The following FCRL5 variants were observed in gnomAD, a reference collection of about 807,000 sequenced individuals.
FCRL5 encodes Fc receptor-like protein 5.
In FCRL5, 79 loss-of-function variants were observed where a neutral mutation model predicts 92.1. That is an observed-to-expected ratio of 0.86 (90% CI 0.72 to 1.03). The LOEUF (loss-of-function observed/expected upper bound fraction) is 1.03. Among genes scored for constraint, FCRL5 ranks in the 50% least tolerant of loss-of-function variants. The pLI, the probability that FCRL5 is intolerant of heterozygous loss-of-function variation, is 0.00. For missense variants in FCRL5, 1,160 were observed against 1,181.1 expected, an observed-to-expected ratio of 0.98 and a Z score of 0.26; for synonymous variants, 466 against 469.3, an observed-to-expected ratio of 0.99 and a Z score of 0.09.
At chr1:157,529,723 C>G (rs1287106304) in intron 8 of FCRL5, among the ~76,000 whole-genome samples, 3 of 152,092 alleles carry the variant, frequency 2.0e-5, no homozygotes, top group Non-Finnish European at 4.4e-5. Context: ...GAATGGAAAA[C>G]CAAACATTGT....
chr1:157,524,646 C>G (rs1157154816), intron 9 of FCRL5, 89 bp from the exon 10 acceptor site: 2 of 1,417,490 alleles, frequency 1.4e-6, no homozygotes, highest in Non-Finnish European at 1.9e-6. Context: ...GAATGTTTTT[C>G]TCAGTTTTTA....
intron 9 of FCRL5, among the ~76,000 whole-genome samples, chr1:157,527,285 GTGAA>G (rs1443177229): frequency 1.3e-5 from 2 of 152,212 alleles, no homozygotes; most frequent in African/African-American, 4.8e-5. Flanking sequence ...CTCTTCCAAG[GTGAA>G]GCACACAGAA....
At chr1:157,517,694 G>T (rs575096575) in intron 15 of FCRL5, among the ~76,000 whole-genome samples, 2 of 152,262 alleles carry the variant, frequency 1.3e-5, no homozygotes, top group South Asian at 4.2e-4. Context: ...GACCCACAGA[G>T]CTGTAAGATG....
rs1651218788 is a variant in FCRL5, at chr1:157,540,650, C to G, written c.1124-1286G>C. 1.3e-5 allele frequency among the ~76,000 whole-genome samples: 2 copies of G among 152,110 alleles called. 1 individual carries two copies. The highest frequency in any genetic ancestry group is 4.1e-4 in the South Asian group (2 of 4,828). ...AAGAAGTGACCTACCTTTAACATCT[C>G]TACTTCTTTATCTCATATCTCATAT... is the stretch of plus-strand genomic sequence containing the variant. On this transcript the variant is annotated intron_variant, in intron 6 of 16. Transcript: ENST00000361835.
intron 15 of FCRL5, 38 bp from the exon 16 acceptor site, chr1:157,515,911 G>T: frequency 6.2e-7 from 1 of 1,611,050 alleles, no homozygotes; most frequent in African/African-American, 1.3e-5. Context: ...TGGAAGACTG[G>T]CATGGGGCTC....
Position 157,539,224 on chromosome 1 carries a change from C to T in FCRL5, c.1264G>A (p.Glu422Lys). 2.5e-6 allele frequency: 4 copies of T among 1,614,192 alleles called. No homozygotes were observed. The highest frequency in any genetic ancestry group is 1.1e-5 in the South Asian group (1 of 91,084). ...CCTGCAGAGTTGGCCGACCTACGCT[C>T]CAGGGCAGCACCCTCATGATGAAAC... is the stretch of plus-strand genomic sequence containing the variant. Reference protein sequence around the residue: ...YQFHHEGAALERRSANSAGGV... With the variant: ...YQFHHEGAALKRRSANSAGGV... Residue 422 changes from glutamate to lysine, a missense_variant, in exon 7 of 17, where the codon GAG (glutamate) becomes AAG (lysine). Glu to Lys is a moderately conservative substitution (Grantham distance 56). Coordinates refer to ENST00000361835, the MANE Select transcript of FCRL5 (RefSeq NM_031281.3).
chr1:157,525,152 G>C (rs1571081761), intron 9 of FCRL5, among the ~76,000 whole-genome samples: 1 of 152,326 alleles, frequency 6.6e-6, no homozygotes, highest in East Asian at 1.9e-4. Flanking sequence ...AGAAGGATGA[G>C]AGGCAGCAAT....
At chr1:157,534,384 T>C (rs1650837221) in intron 8 of FCRL5, 1 of 718,580 alleles carries the variant, frequency 1.4e-6, no homozygotes, top group African/African-American at 1.7e-5. Context: ...GAAAATACAA[T>C]AAATAAATTC....
intron 2 of FCRL5, 130 bp downstream of exon 2, chr1:157,549,430 T>C (rs1651708862): frequency 1.2e-6 from 1 of 829,918 alleles, no homozygotes; most frequent in Non-Finnish European, 1.9e-6. Context: ...AAACTTAAAG[T>C]ATAATAAAAA....
intron 1 of FCRL5, among the ~76,000 whole-genome samples, chr1:157,549,986 G>C (rs1651746175): frequency 1.3e-5 from 2 of 152,052 alleles, no homozygotes; most frequent in African/African-American, 4.8e-5. Flanking sequence ...TACATGTGTT[G>C]AACAGGATGG....
At chr1:157,520,089 C>T (rs1650107488) in intron 12 of FCRL5, among the ~76,000 whole-genome samples, 1 of 152,094 alleles carries the variant, frequency 6.6e-6, no homozygotes, top group Non-Finnish European at 1.5e-5. Flanking sequence ...ATTACTGAAT[C>T]CTATCTGGTT....
In FCRL5 at chr1:157,544,873, A is replaced by T. The variant is rs376011810; in HGVS notation, c.517T>A (p.Cys173Ser). ...ACTGTATTGGAAGAAACAGGGCAAC[A>T]ACTTTCCTTATATCCAGTACAGCGA... is the stretch of plus-strand genomic sequence containing the variant. ...AYRCTGYKES[C>S]CPVSSNTVKI... The change falls in exon 4 of 17, where the codon TGT becomes AGT. Residue 173 changes from cysteine to serine, a missense_variant. Coordinates refer to ENST00000361835, the MANE Select transcript of FCRL5 (RefSeq NM_031281.3). 1.9e-6 allele frequency: 3 copies of T among 1,614,118 alleles called. No homozygotes were observed. In the African/African-American group the frequency reaches 4.0e-5, roughly 22 times the overall value.
intron 2 of FCRL5, among the ~76,000 whole-genome samples, chr1:157,548,697 C>T (rs1651669158): frequency 6.6e-6 from 1 of 152,248 alleles, no homozygotes; most frequent in Non-Finnish European, 1.5e-5. Context: ...CTCATCATCA[C>T]TGGCCATCAG....
intron 4 of FCRL5, 48 bp downstream of exon 4, chr1:157,544,783 G>C: frequency 6.2e-7 from 1 of 1,609,986 alleles, no homozygotes; most frequent in Non-Finnish European, 8.5e-7. Context: ...ATGACCCCAA[G>C]GAATCTCCTT....
chr1:157,515,936 C>T (rs566620149), intron 15 of FCRL5, 63 bp from the exon 16 acceptor site: 406 of 1,585,886 alleles, frequency 2.6e-4, no homozygotes, highest in East Asian at 1.5e-3. Context: ...CTTGTGCCTG[C>T]GCTGTGGGGC....
Position 157,542,990 on chromosome 1 carries a change from T to G in FCRL5, c.992A>C (p.Lys331Thr), listed in dbSNP as rs763476799. The change falls in exon 6 of 17, where the codon AAG (lysine) becomes ACG (threonine). Residue 331 changes from lysine to threonine, a missense_variant. By Grantham distance (78) the Lys-to-Thr change is moderately conservative. Coordinates refer to ENST00000361835, the MANE Select transcript of FCRL5 (RefSeq NM_031281.3). ...TGCTCCCCTTTCACAGCGGACTGACTTGTGCCTCAGGGGGACACCCTCATG... is the reference window on the plus strand; with the variant it reads ...TGCTCCCCTTTCACAGCGGACTGACGTGTGCCTCAGGGGGACACCCTCATG... The part of the protein sequence containing the change: ...FYHEGVPLRH[K>T]SVRCERGASI... 32 of 1,614,102 alleles carry G rather than the reference T, an allele frequency of 2.0e-5. No homozygotes were observed. The highest frequency in any genetic ancestry group is 2.7e-5 in the Non-Finnish European group (32 of 1,180,042).
At chr1:157,538,056 G>A (rs567439164) in intron 7 of FCRL5, among the ~76,000 whole-genome samples, 64 of 152,310 alleles carry the variant, frequency 4.2e-4, no homozygotes, top group African/African-American at 1.5e-3. Flanking sequence ...TATAGAATCA[G>A]CATTTAGTAG....
In FCRL5 at chr1:157,518,691, G is replaced by A. The variant is rs779974564; in HGVS notation, c.2743+9C>T. 2.0e-5 allele frequency: 32 copies of A among 1,607,460 alleles called. 1 individual carries two copies. The highest frequency in any genetic ancestry group is 3.4e-4 in the Middle Eastern group (2 of 5,884). On this transcript the variant is annotated intron_variant, in intron 14 of 16. Transcript: ENST00000361835. ...AGCTTCTGCCAAATGCAGGATCCTC[G>A]GGCCTCACCATTAGTGTACACTGGT...
chr1:157,545,008 C>T lies in FCRL5; in HGVS notation c.382G>A (p.Glu128Lys), dbSNP rs1651461325. ...SVVLRCRAKA[E>K]VTLNNTIYKN... ...TAAATAGTATTATTCAGTGTTACTT[C>T]CGCCTTTGCCCGGCACCTCAGAACC... is the stretch of plus-strand genomic sequence containing the variant. Residue 128 changes from glutamate (E) to lysine (K), a missense_variant, in exon 4 of 17, where the codon GAA (glutamate) becomes AAA (lysine). Coordinates refer to ENST00000361835, the MANE Select transcript of FCRL5 (RefSeq NM_031281.3). 1.9e-6 allele frequency: 3 copies of T among 1,613,624 alleles called. No individual in the cohort carries two copies. The highest frequency in any genetic ancestry group is 2.5e-6 in the Non-Finnish European group (3 of 1,180,020).
Sources: gnomAD v4.1 joint callset for allele counts (sites outside exome capture counted in the v4.1 genomes callset) on GRCh38, gnomAD v4.1.1 for gene constraint, MANE v1.5 for transcripts, NCBI Gene and HGNC (gene_info 2026-07-23, HGNC 2026-07-21) for gene names.